The following FOXK2 variants were observed in gnomAD, a reference collection of about 807,000 sequenced individuals.
The protein encoded by FOXK2 is forkhead box protein K2.
Under a neutral mutation model 53.3 loss-of-function variants are expected in FOXK2, and 24 were observed. The ratio of observed to expected loss-of-function variants is 0.45; its 90% CI spans 0.33 to 0.63. FOXK2 has a LOEUF of 0.63. FOXK2 is among the 30% of genes least tolerant of loss of function. The probability of loss-of-function intolerance (pLI) is 0.03; values close to 1 mark genes in which losing one functional copy is unlikely to be tolerated. For synonymous variants in FOXK2, 505 were observed against 407.1 expected, an observed-to-expected ratio of 1.24 and a Z score of -2.89; for missense variants, 952 against 910.5, an observed-to-expected ratio of 1.05 and a Z score of -0.59.
Position 82,563,402 on chromosome 17 carries a change from C to T in FOXK2, c.468C>T (p.Ala156=). The change falls in exon 2 of 9, where the codon GCC becomes GCT. Residue 156 remains alanine, a synonymous_variant. Coordinates refer to ENST00000335255, the MANE Select transcript of FOXK2 (RefSeq NM_004514.4). Reference sequence around the variant, plus strand: ...CAAACATCAAGATAACGTTCACTGCCCTGTCCAGCGAGAAGAGAGAGAAGC... The same window carrying T: ...CAAACATCAAGATAACGTTCACTGCTCTGTCCAGCGAGAAGAGAGAGAAGC... ...PSTNIKITFT[A]LSSEKREKQE... is the part of the protein sequence containing the mutation. 6.2e-7 allele frequency: 1 copy of T among 1,614,118 alleles called. No individual in the cohort carries two copies. The highest frequency in any genetic ancestry group is 8.5e-7 in the Non-Finnish European group (1 of 1,180,026).
chr17:82,520,329 C>A, intron 1 of FOXK2, 22 bp downstream of exon 1: 1 of 367,326 alleles, frequency 2.7e-6, no homozygotes, highest in Non-Finnish European at 4.9e-6. Flanking sequence ...CGGGGCGGGG[C>A]GGGCGGGGTC....
chr17:82,534,990 C>T lies in FOXK2; in HGVS notation c.419+14683C>T, dbSNP rs573299596. On this transcript the variant is annotated intron_variant, in intron 1 of 8. Transcript: ENST00000335255. ...CACCTCCCAGGTTTAAGCGATTCTC[C>T]TGCCTCAGCCTTAGGAGTAGCTGGG... Among the ~76,000 whole-genome samples the T allele has an allele frequency of 3.9e-5, 6 of 152,326 alleles. No individual in the cohort carries two copies. In the East Asian group the frequency reaches 9.6e-4, roughly 24 times the overall value.
At chr17:82,581,336 A>G (rs949562846) in intron 4 of FOXK2, among the ~76,000 whole-genome samples, 12 of 152,014 alleles carry the variant, frequency 7.9e-5, no homozygotes, top group Admixed American at 2.0e-4. Context: ...TCTTGCTTCT[A>G]TTGCCCAGGC....
intron 1 of FOXK2, among the ~76,000 whole-genome samples, chr17:82,537,640 A>G (rs2044533427): frequency 6.7e-6 from 1 of 148,864 alleles, no homozygotes; most frequent in African/African-American, 2.5e-5. Context: ...AAAAAAAAAA[A>G]AAGGCCAGGC....
intron 6 of FOXK2, among the ~76,000 whole-genome samples, chr17:82,584,549 C>CTTTTTTTTT (rs34083156): frequency 5.6e-5 from 5 of 89,860 alleles, no homozygotes; most frequent in African/African-American, 2.0e-4. Flanking sequence ...AAAACATGTC[C>CTTTTTTTTT]TTTTTTTTTT....
chr17:82,585,500 G>A (rs1390565772), intron 6 of FOXK2, among the ~76,000 whole-genome samples: 4 of 152,042 alleles, frequency 2.6e-5, no homozygotes, highest in South Asian at 4.1e-4. Context: ...AATATTTGTC[G>A]TAGAGACAGG....
At chr17:82,585,797 A>C (rs544017683) in intron 6 of FOXK2, 107 bp from the exon 7 acceptor site, 2 of 1,109,020 alleles carry the variant, frequency 1.8e-6, no homozygotes, top group African/African-American at 3.1e-5. Context: ...GCCATATCCT[A>C]TATTTTAAAT....
intron 1 of FOXK2, among the ~76,000 whole-genome samples, chr17:82,533,359 A>G (rs1221465180): frequency 6.6e-6 from 1 of 152,020 alleles, no homozygotes; most frequent in Non-Finnish European, 1.5e-5. Context: ...GCATGGTAGC[A>G]CACGCCTGTA....
chr17:82,554,262 T>C (rs2048367930), intron 1 of FOXK2, among the ~76,000 whole-genome samples: 1 of 152,174 alleles, frequency 6.6e-6, no homozygotes. Context: ...TAAATCTGAT[T>C]CATTTCTGTG....
At chr17:82,601,172 C>T (rs2045378076) in intron 8 of FOXK2, 131 bp from the exon 9 acceptor site, 4 of 1,006,556 alleles carry the variant, frequency 4.0e-6, no homozygotes. Flanking sequence ...AGTGGCAGGA[C>T]CCTTAGAGGG....
chr17:82,568,382 T>C (rs1049723884), intron 3 of FOXK2, among the ~76,000 whole-genome samples, 181 bp downstream of exon 3: 1 of 152,360 alleles, frequency 6.6e-6, no homozygotes, highest in African/African-American at 2.4e-5. Context: ...TTTTTGCAAG[T>C]GTACTCGTTT....
chr17:82,529,629 G>A (rs1356113444), intron 1 of FOXK2, among the ~76,000 whole-genome samples: 1 of 152,066 alleles, frequency 6.6e-6, no homozygotes, highest in African/African-American at 2.4e-5. Flanking sequence ...CAGGTGATCC[G>A]CTTGCCTCGG....
At position 82,603,890 on chromosome 17, in the gene FOXK2, TAACA is replaced by T. The variant is rs2045417369; in HGVS notation, c.*2395_*2398del. On this transcript the variant is annotated 3_prime_UTR_variant, in exon 9 of 9. Coordinates refer to ENST00000335255, the MANE Select transcript of FOXK2 (RefSeq NM_004514.4). Reference sequence around the variant, plus strand: ...TTTAAGAATATCGAAGCGAGAGCAGTAACAAACCATAGATGAGCAGACTCCCACA... The same window carrying T: ...TTTAAGAATATCGAAGCGAGAGCAGTAACCATAGATGAGCAGACTCCCACA... 1 of 152,178 alleles carries T rather than the reference TAACA, an allele frequency of 6.6e-6. No homozygotes were observed. The highest frequency in any genetic ancestry group is 2.4e-5 in the African/African-American group (1 of 41,438). The allele number at this position is 152,178 out of a possible 1,614,324, so 9.4% of individuals were successfully genotyped here. A position where few individuals can be genotyped will look rare whatever the true frequency, so the allele number is the denominator to read the frequency against.
At chr17:82,566,159 T>G (rs2044848962) in intron 2 of FOXK2, among the ~76,000 whole-genome samples, 1 of 152,068 alleles carries the variant, frequency 6.6e-6, no homozygotes, top group Admixed American at 6.6e-5. Context: ...TGGCTGCACC[T>G]CTGTGTGAAT....
At chr17:82,568,261 C>T (rs2044874325) in intron 3 of FOXK2, 60 bp downstream of exon 3, 1 of 1,588,172 alleles carries the variant, frequency 6.3e-7, no homozygotes, top group Non-Finnish European at 8.6e-7. Context: ...ACAGGGCCCT[C>T]AATGTCACCT....
At chr17:82,567,943 T>TAAC in intron 2 of FOXK2, 111 bp from the exon 3 acceptor site, 2 of 558,230 alleles carry the variant, frequency 3.6e-6, no homozygotes, top group South Asian at 4.4e-5. Context: ...TTTTTTTTTT[T>TAAC]TTTTTAACAT....
chr17:82,543,602 G>T (rs2044594093), intron 1 of FOXK2, among the ~76,000 whole-genome samples: 1 of 152,082 alleles, frequency 6.6e-6, no homozygotes, highest in African/African-American at 2.4e-5. Context: ...GGAGCAGTAG[G>T]AAGGCCATGA....
Position 82,587,265 on chromosome 17 carries a change from G to C in FOXK2, c.1779G>C (p.Val593=). Residue 593 remains valine (V), a synonymous_variant, in exon 8 of 9, where the codon GTG becomes GTC. Coordinates refer to ENST00000335255, the MANE Select transcript of FOXK2 (RefSeq NM_004514.4). ...TCCCCACTGCGGTCCACGGCCAGGTGAACAATGGTAAGACATGCTGGTCGG... is the reference window on the plus strand; with the variant it reads ...TCCCCACTGCGGTCCACGGCCAGGTCAACAATGGTAAGACATGCTGGTCGG... ...ASVPTAVHGQ[V]NNAAASPLHM... The C allele has an allele frequency of 6.2e-7, 1 of 1,612,628 alleles. No homozygotes were observed. Among genetic ancestry groups the C allele is most frequent in the Non-Finnish European group, 8.5e-7 (1 of 1,179,668 alleles).
chr17:82,595,704 C>A (rs1395847644), intron 8 of FOXK2: 5 of 1,188,990 alleles, frequency 4.2e-6, no homozygotes, highest in East Asian at 1.2e-4. Flanking sequence ...TGTTATTAAG[C>A]CTGTGTCACT....
Sources: gnomAD v4.1 joint callset for allele counts (sites outside exome capture counted in the v4.1 genomes callset) on GRCh38, gnomAD v4.1.1 for gene constraint, MANE v1.5 for transcripts, NCBI Gene and HGNC (gene_info 2026-07-23, HGNC 2026-07-21) for gene names.